Variants in RPS10 observed in about 807,000 individuals in gnomAD.
RPS10 encodes small ribosomal subunit protein eS10.
In RPS10, 2 loss-of-function variants were observed where a neutral mutation model predicts 22.6. The observed-to-expected ratio is 0.09, with a 90% CI of 0.04 to 0.28. The LOEUF is 0.28. Ranked by LOEUF, RPS10 falls within the 10% of genes least tolerant of loss-of-function variation. RPS10 has a pLI of 1.00. For missense variants in RPS10, 137 were observed against 222.2 expected (o/e 0.62, Z 2.44); for synonymous variants, 70 against 75.9 (o/e 0.92, Z 0.40).
intron 4 of RPS10, among the ~76,000 whole-genome samples, chr6:34,420,735 G>A (rs1307279194): frequency 2.6e-5 from 4 of 151,910 alleles, no homozygotes; most frequent in Non-Finnish European, 5.9e-5. Context: ...GGGTGGGCGC[G>A]GTGGCTCACA....
At position 34,424,140 on chromosome 6, in the gene RPS10, TAAAAAAAAAAA is replaced by T. The variant is rs71538239; in HGVS notation, c.322+518_322+528del. 1.0e-4 allele frequency: 5 copies of T among 49,142 alleles called. No individual in the cohort carries two copies. In the Admixed American group the frequency reaches 1.7e-3, roughly 16 times the overall value. 3.0% of individuals were successfully genotyped at this position (49,142 alleles called of 1,614,324 possible). A position where few individuals can be genotyped will look rare whatever the true frequency, so the allele number is the denominator to read the frequency against. ...GCTGGGCAACAGAGCAAGACTCCGTTAAAAAAAAAAAAAAAAAAAAAAAAGCAACTGTGAGC... is the reference window on the plus strand; with the variant it reads ...GCTGGGCAACAGAGCAAGACTCCGTTAAAAAAAAAAAAAGCAACTGTGAGC... On this transcript the variant is annotated intron_variant, in intron 3 of 5. Transcript: ENST00000648437.
chr6:34,419,195 A>AT (rs1205315392), intron 4 of RPS10, among the ~76,000 whole-genome samples: 1 of 151,236 alleles, frequency 6.6e-6, no homozygotes, highest in Non-Finnish European at 1.5e-5. Flanking sequence ...ATTTTTTTGT[A>AT]TTTTTAGTAG....
Position 34,421,825 on chromosome 6 carries a change from C to T in RPS10, c.323-18G>A, listed in dbSNP as rs1765779239. 1.9e-6 allele frequency: 3 copies of T among 1,613,894 alleles called. No homozygotes were observed. The highest frequency in any genetic ancestry group is 2.5e-6 in the Non-Finnish European group (3 of 1,179,818). On this transcript the variant is annotated intron_variant, in intron 3 of 5. Coordinates refer to ENST00000648437, the MANE Select transcript of RPS10 (RefSeq NM_001014.5). ...CTCCAGACCTATGTAAATCAAACCACACTGTGAACACAGGGCAATGTGAGA... is the reference window on the plus strand; with the variant it reads ...CTCCAGACCTATGTAAATCAAACCATACTGTGAACACAGGGCAATGTGAGA...
chr6:34,424,106 G>T (rs111927715), intron 3 of RPS10, among the ~76,000 whole-genome samples: 1,940 of 117,836 alleles, frequency 0.016, 22 homozygotes, highest in Non-Finnish European at 0.025. Context: ...GCTTACCACC[G>T]CACTCCAGGC....
chr6:34,419,230 T>C (rs897956319), intron 4 of RPS10, among the ~76,000 whole-genome samples: 2 of 151,962 alleles, frequency 1.3e-5, no homozygotes, highest in Non-Finnish European at 2.9e-5. Flanking sequence ...CATGTTGGTT[T>C]CTCCAGGCTG....
chr6:34,421,638 A>T lies in RPS10; in HGVS notation c.400+92T>A, dbSNP rs1369418461. 27 of 1,432,120 alleles carry T rather than the reference A, an allele frequency of 1.9e-5. No individual in the cohort carries two copies. In the East Asian group the frequency reaches 6.1e-4, roughly 33 times the overall value. The allele number at this position is 1,432,120 out of a possible 1,614,324, so 88.7% of individuals were successfully genotyped here. A position where few individuals can be genotyped will look rare whatever the true frequency, so the allele number is the denominator to read the frequency against. ...AATCTTTCCTGGTCATTTTGTCATC[A>T]TCAAGGGCTGAGCCCCACCCAGCCA... On this transcript the variant is annotated intron_variant, in intron 4 of 5. Transcript: ENST00000648437.
At chr6:34,418,022 C>T in intron 5 of RPS10, 1 of 712,764 alleles carries the variant, frequency 1.4e-6, no homozygotes, top group South Asian at 1.8e-5. Context: ...GGGAACCTAC[C>T]TAACATTACA....
intron 5 of RPS10, chr6:34,417,753 T>C: frequency 1.4e-6 from 1 of 721,724 alleles, no homozygotes; most frequent in South Asian, 1.5e-5. Context: ...TCTTCATTGG[T>C]AAAGTGGGAG....
At chr6:34,425,505 G>A (rs1008533294) in intron 1 of RPS10, 6 of 406,190 alleles carry the variant, frequency 1.5e-5, no homozygotes, top group Admixed American at 3.5e-5. Flanking sequence ...ATGGGGGGGA[G>A]AGGAGCAAAC....
chr6:34,417,617 T>C, intron 5 of RPS10, 70 bp from the exon 6 acceptor site: 1 of 1,508,342 alleles, frequency 6.6e-7, no homozygotes. Context: ...TTTGCTAACT[T>C]TCAGGCCTCA....
At chr6:34,422,921 A>C (rs1765817749) in intron 3 of RPS10, among the ~76,000 whole-genome samples, 2 of 151,906 alleles carry the variant, frequency 1.3e-5, no homozygotes, top group South Asian at 4.2e-4. Flanking sequence ...TCTCTACTAA[A>C]ATTACAAAAA....
Position 34,424,996 on chromosome 6 carries a change from C to A in RPS10, c.150+76G>T, listed in dbSNP as rs1178982955. ...CCTTGAACCTTAGGGGAAGATCCCT[C>A]CATCCCATTCCATCCCATCCCGGGA... On this transcript the variant is annotated intron_variant, in intron 2 of 5. Coordinates refer to ENST00000648437, the MANE Select transcript of RPS10 (RefSeq NM_001014.5). 1.6e-5 allele frequency: 25 copies of A among 1,609,072 alleles called. No homozygotes were observed. The East Asian group carries it at 5.1e-4, about 33-fold the overall frequency.
intron 3 of RPS10, 108 bp downstream of exon 3, chr6:34,424,561 C>T (rs1489096506): frequency 6.8e-7 from 1 of 1,460,950 alleles, no homozygotes; most frequent in African/African-American, 1.4e-5. Flanking sequence ...TGACCAAATG[C>T]CTGCAGGCCA....
chr6:34,417,934 C>G, intron 5 of RPS10: 1 of 717,934 alleles, frequency 1.4e-6, no homozygotes, highest in East Asian at 2.7e-5. Context: ...AGTACTATGC[C>G]TGGATTAACT....
chr6:34,425,374 G>C, intron 1 of RPS10, 153 bp from the exon 2 acceptor site: 1 of 925,076 alleles, frequency 1.1e-6, no homozygotes, highest in Non-Finnish European at 1.7e-6. Flanking sequence ...GCAGAGGCCA[G>C]CTCCGTCAGT....
chr6:34,425,420 A>G, intron 1 of RPS10, 199 bp from the exon 2 acceptor site: 1 of 648,056 alleles, frequency 1.5e-6, no homozygotes, highest in Admixed American at 2.5e-5. Flanking sequence ...GGAAAAGTTG[A>G]CAGTATGTTA....
rs970200402 is a variant in RPS10, at chr6:34,424,985, G to A, written c.150+87C>T. On this transcript the variant is annotated intron_variant, in intron 2 of 5. Transcript: ENST00000648437. ...TTTTGAACTTGCCTTGAACCTTAGGGGAAGATCCCTCCATCCCATTCCATC... is the reference window on the plus strand; with the variant it reads ...TTTTGAACTTGCCTTGAACCTTAGGAGAAGATCCCTCCATCCCATTCCATC... The A allele has an allele frequency of 4.3e-6, 7 of 1,609,620 alleles. No homozygotes were observed. The African/African-American group carries it at 8.0e-5, about 18-fold the overall frequency.
At chr6:34,419,952 A>AG (rs1385728061) in intron 4 of RPS10, among the ~76,000 whole-genome samples, 1 of 152,084 alleles carries the variant, frequency 6.6e-6, no homozygotes, top group East Asian at 1.9e-4. Context: ...ACAAGATCAT[A>AG]GCTCACTGTA....
At chr6:34,425,387 C>G in intron 1 of RPS10, 166 bp from the exon 2 acceptor site, 1 of 812,950 alleles carries the variant, frequency 1.2e-6, no homozygotes, top group Middle Eastern at 2.6e-4. Flanking sequence ...CCGTCAGTCC[C>G]CACCCCCAAA....
Sources: gnomAD v4.1 joint callset for allele counts (sites outside exome capture counted in the v4.1 genomes callset) on GRCh38, gnomAD v4.1.1 for gene constraint, MANE v1.5 for transcripts, NCBI Gene and HGNC (gene_info 2026-07-23, HGNC 2026-07-21) for gene names.